Variants in ABTB3 observed in about 807,000 individuals in gnomAD.
ABTB3 encodes ankyrin repeat and BTB domain containing 3, also known as ankyrin repeat- and BTB/POZ domain-containing protein 3.
the ABTB3 span, among the ~76,000 whole-genome samples, chr12:107,433,008 G>A: frequency 1.3e-5 from 2 of 152,120 alleles, no homozygotes; most frequent in Non-Finnish European, 2.9e-5. Context: ...AAGAGTGGCC[G>A]GGCGCGGTGG....
At chr12:107,540,225 C>T in the ABTB3 span, among the ~76,000 whole-genome samples, 1 of 152,172 alleles carries the variant, frequency 6.6e-6, no homozygotes, top group Non-Finnish European at 1.5e-5. Flanking sequence ...GTTCTCTCTG[C>T]CTCCAAGATG....
At chr12:107,522,815 G>A in the ABTB3 span, among the ~76,000 whole-genome samples, 16 of 150,768 alleles carry the variant, frequency 1.1e-4, no homozygotes, top group African/African-American at 3.7e-4. Context: ...GAAGGGAAGG[G>A]AAGGGAAGGG....
chr12:107,337,513 A>G, the ABTB3 span, among the ~76,000 whole-genome samples: 2 of 152,210 alleles, frequency 1.3e-5, no homozygotes, highest in African/African-American at 4.8e-5. Flanking sequence ...CGTTCACAAT[A>G]GTATCTCATT....
chr12:107,603,989 G>A, the ABTB3 span, among the ~76,000 whole-genome samples: 1 of 152,084 alleles, frequency 6.6e-6, no homozygotes, highest in Non-Finnish European at 1.5e-5. Context: ...CTAACATAGT[G>A]AAACCCCATC....
At chr12:107,385,031 C>T in the ABTB3 span, among the ~76,000 whole-genome samples, 1 of 152,236 alleles carries the variant, frequency 6.6e-6, no homozygotes, top group Non-Finnish European at 1.5e-5. Context: ...CATACTAGGG[C>T]TTAGTTCAGC....
At chr12:107,465,145 A>G in the ABTB3 span, among the ~76,000 whole-genome samples, 1 of 152,170 alleles carries the variant, frequency 6.6e-6, no homozygotes, top group East Asian at 1.9e-4. Context: ...CAGCATAATA[A>G]TAATTACCAT....
chr12:107,464,648 G>C, the ABTB3 span, among the ~76,000 whole-genome samples: 1 of 152,136 alleles, frequency 6.6e-6, no homozygotes, highest in East Asian at 1.9e-4. Flanking sequence ...AAACAGTGAG[G>C]GACTGAGCCA....
At chr12:107,395,472 G>A in the ABTB3 span, among the ~76,000 whole-genome samples, 1 of 152,176 alleles carries the variant, frequency 6.6e-6, no homozygotes, top group Non-Finnish European at 1.5e-5. Flanking sequence ...CCTGTGCTGT[G>A]TGCACCCCTA....
chr12:107,393,995 T>C, the ABTB3 span, among the ~76,000 whole-genome samples: 1 of 152,150 alleles, frequency 6.6e-6, no homozygotes, highest in East Asian at 1.9e-4. Flanking sequence ...GTTAACTTCC[T>C]TAAGATGGCA....
At chr12:107,410,378 G>A in the ABTB3 span, among the ~76,000 whole-genome samples, 2 of 152,128 alleles carry the variant, frequency 1.3e-5, no homozygotes, top group African/African-American at 4.8e-5. Flanking sequence ...GAGTTGAGGG[G>A]AGAGTGGGTA....
chr12:107,491,724 G>A, the ABTB3 span, among the ~76,000 whole-genome samples: 1 of 151,612 alleles, frequency 6.6e-6, no homozygotes, highest in Non-Finnish European at 1.5e-5. Context: ...CCAGGAGGTT[G>A]AGGCACAAAA....
the ABTB3 span, among the ~76,000 whole-genome samples, chr12:107,492,745 G>GA: frequency 2.0e-5 from 3 of 151,614 alleles, no homozygotes; most frequent in East Asian, 5.8e-4. Context: ...AACCCAACCA[G>GA]AAAAAACAAA....
chr12:107,381,537 A>G, the ABTB3 span, among the ~76,000 whole-genome samples: 35,454 of 152,190 alleles, frequency 0.23, 4,261 homozygotes, highest in East Asian at 0.32. Flanking sequence ...AAGGGCAGAT[A>G]CAAGAGACTA....
the ABTB3 span, chr12:107,319,918 G>GACA: frequency 1.1e-5 from 16 of 1,465,896 alleles, no homozygotes; most frequent in Non-Finnish European, 1.5e-5. Flanking sequence ...CAGTCCCGCC[G>GACA]GCAGCCGCCG....
the ABTB3 span, among the ~76,000 whole-genome samples, chr12:107,369,844 T>C: frequency 6.6e-6 from 1 of 151,428 alleles, no homozygotes; most frequent in African/African-American, 2.4e-5. Flanking sequence ...AGGGGAGCCC[T>C]GATGATTTCC....
the ABTB3 span, among the ~76,000 whole-genome samples, chr12:107,653,189 C>T: frequency 2.0e-5 from 3 of 152,146 alleles, no homozygotes; most frequent in East Asian, 1.9e-4. Context: ...TGACAGTGCA[C>T]GTGAATGACG....
At chr12:107,323,930 A>G in the ABTB3 span, among the ~76,000 whole-genome samples, 1 of 152,184 alleles carries the variant, frequency 6.6e-6, no homozygotes, top group Non-Finnish European at 1.5e-5. Context: ...CTGTAAAGGC[A>G]GTTGTTAAGA....
At chr12:107,369,766 A>C in the ABTB3 span, among the ~76,000 whole-genome samples, 2 of 111,762 alleles carry the variant, frequency 1.8e-5, no homozygotes, top group African/African-American at 7.1e-5. Context: ...AGCTCTCTGC[A>C]CCTTATTGTT....
chr12:107,353,803 G>T, the ABTB3 span, among the ~76,000 whole-genome samples: 1 of 152,208 alleles, frequency 6.6e-6, no homozygotes, highest in African/African-American at 2.4e-5. Context: ...CTGTGCATGT[G>T]AGGGATCTAG....
Sources: gnomAD v4.1 joint callset for allele counts (sites outside exome capture counted in the v4.1 genomes callset) on GRCh38, gnomAD v4.1.1 for gene constraint, MANE v1.5 for transcripts, NCBI Gene and HGNC (gene_info 2026-07-23, HGNC 2026-07-21) for gene names.